Variants in MYOM2 observed in about 807,000 individuals in gnomAD.
MYOM2 encodes myomesin 2.
A neutral mutation model predicts 187.6 loss-of-function variants in MYOM2; 254 were observed. The observed-to-expected ratio is 1.35, with a 90% CI of 1.22 to 1.50. The LOEUF is 1.50. Ranked by LOEUF, MYOM2 falls within the 40% of genes most tolerant of loss-of-function variation. The pLI, the probability that MYOM2 is intolerant of heterozygous loss-of-function variation, is 0.00. For missense variants in MYOM2, 2,796 were observed against 1,924.0 expected, an observed-to-expected ratio of 1.45 and a Z score of -8.48; for synonymous variants, 981 against 753.8, an observed-to-expected ratio of 1.30 and a Z score of -4.94.
chr8:2,104,662 T>G (rs1010713300), intron 21 of MYOM2, among the ~76,000 whole-genome samples: 3 of 151,754 alleles, frequency 2.0e-5, no homozygotes, highest in Non-Finnish European at 2.9e-5. Context: ...GCGGGAAGTC[T>G]AAGAAGCACA....
chr8:2,104,296 T>A (rs1173247130), intron 21 of MYOM2, among the ~76,000 whole-genome samples: 2 of 152,112 alleles, frequency 1.3e-5, no homozygotes, highest in African/African-American at 2.4e-5. Context: ...CGAGGCTGGG[T>A]AATTGTTTTT....
chr8:2,048,409 A>C (rs1818376822), intron 1 of MYOM2, among the ~76,000 whole-genome samples: 1 of 152,272 alleles, frequency 6.6e-6, no homozygotes, highest in East Asian at 1.9e-4. Flanking sequence ...CACCTTGATT[A>C]ACTCATTGGA....
Position 2,140,760 on chromosome 8 carries a change from G to T in MYOM2, c.3838G>T (p.Gly1280Trp), listed in dbSNP as rs757130433. ...KISSSEHMRI[G>W]GSEEMAWLQI... ...CTCATCCAGTGAGCATATGAGAATC[G>T]GGGGGAGTGAAGAGATGGCTTGGCT... The change falls in exon 33 of 37, where the codon GGG (glycine) becomes TGG (tryptophan). Residue 1280 changes from glycine (G) to tryptophan (W), a missense_variant. By Grantham distance (184) the Gly-to-Trp change is radical (BLOSUM62 -2). Transcript: ENST00000262113. 6.2e-7 allele frequency: 1 copy of T among 1,613,956 alleles called. No individual in the cohort carries two copies. Among genetic ancestry groups the T allele is most frequent in the Non-Finnish European group, 8.5e-7 (1 of 1,179,912 alleles).
intron 1 of MYOM2, among the ~76,000 whole-genome samples, chr8:2,047,345 G>C (rs1225183558): frequency 6.6e-6 from 1 of 152,200 alleles, no homozygotes; most frequent in East Asian, 1.9e-4. Flanking sequence ...GTCCCCCAAG[G>C]AGTGAAGAGA....
Position 2,140,771 on chromosome 8 carries a change from A to G in MYOM2, c.3849A>G (p.Glu1283=). The G allele has an allele frequency of 6.2e-7, 1 of 1,614,146 alleles. No homozygotes were observed. Among genetic ancestry groups the G allele is most frequent in the South Asian group, 1.1e-5 (1 of 91,074 alleles). ...AGCATATGAGAATCGGGGGGAGTGA[A>G]GAGATGGCTTGGCTGCAGATATGTG... The part of the protein sequence containing the change: ...SSEHMRIGGS[E]EMAWLQICEP... Residue 1283 remains glutamate, a synonymous_variant, in exon 33 of 37, where the codon GAA becomes GAG. Transcript: ENST00000262113.
chr8:2,100,004 CTTCCTTCCTTTCTTTCCTTCCTTCCTTCT>C (rs1328835878), intron 19 of MYOM2, among the ~76,000 whole-genome samples: 2 of 115,592 alleles, frequency 1.7e-5, no homozygotes, highest in South Asian at 3.4e-4. Context: ...TCTTTCCTTC[CTTCCTTCCTTTCTTTCCTTCCTTCCTTCT>C]TTCCTTCCTT....
intron 31 of MYOM2, among the ~76,000 whole-genome samples, chr8:2,126,720 G>A (rs28405910): frequency 0.012 from 1,807 of 145,250 alleles, 48 homozygotes; most frequent in African/African-American, 0.044. Flanking sequence ...GTGAGCACTG[G>A]GGGAGGCTGA....
At chr8:2,065,472 A>G (rs1361749883) in intron 6 of MYOM2, among the ~76,000 whole-genome samples, 1 of 152,204 alleles carries the variant, frequency 6.6e-6, no homozygotes, top group Non-Finnish European at 1.5e-5. Context: ...CAGGAGGCTG[A>G]GGCAGGAGAA....
At chr8:2,066,469 G>A (rs1318227021) in intron 6 of MYOM2, among the ~76,000 whole-genome samples, 1 of 152,206 alleles carries the variant, frequency 6.6e-6, no homozygotes, top group Admixed American at 6.5e-5. Flanking sequence ...TCGTTGTAGA[G>A]GAAGGGTTAG....
At chr8:2,049,839 C>T (rs1378388005) in intron 1 of MYOM2, among the ~76,000 whole-genome samples, 2 of 152,162 alleles carry the variant, frequency 1.3e-5, no homozygotes, top group African/African-American at 2.4e-5. Context: ...ATGTCTAATA[C>T]CTGTAATGCT....
chr8:2,061,521 T>G (rs778551058), intron 6 of MYOM2, among the ~76,000 whole-genome samples: 1 of 152,126 alleles, frequency 6.6e-6, no homozygotes, highest in African/African-American at 2.4e-5. Context: ...TTCAGCCAGC[T>G]CTTCCTGATG....
At chr8:2,061,746 G>C (rs1229369677) in intron 6 of MYOM2, among the ~76,000 whole-genome samples, 1 of 152,224 alleles carries the variant, frequency 6.6e-6, no homozygotes, top group Non-Finnish European at 1.5e-5. Context: ...GAAATTTGCA[G>C]GGCATCCTAC....
chr8:2,116,186 C>T, intron 26 of MYOM2, 30 bp from the exon 27 acceptor site: 1 of 1,598,714 alleles, frequency 6.3e-7, no homozygotes. Flanking sequence ...AAACATGTTT[C>T]ATATATATTT....
chr8:2,063,350 C>G (rs1414733239), intron 6 of MYOM2, among the ~76,000 whole-genome samples: 1 of 152,156 alleles, frequency 6.6e-6, no homozygotes, highest in Non-Finnish European at 1.5e-5. Flanking sequence ...ATGAATATTC[C>G]TTGGCCACGG....
At chr8:2,141,056 C>A in intron 33 of MYOM2, 85 bp from the exon 34 acceptor site, 1 of 1,397,202 alleles carries the variant, frequency 7.2e-7, no homozygotes, top group Non-Finnish European at 9.8e-7. Context: ...TTTTCATGAA[C>A]CAGATTCACT....
At chr8:2,048,701 C>T (rs1415775537) in intron 1 of MYOM2, among the ~76,000 whole-genome samples, 1 of 152,190 alleles carries the variant, frequency 6.6e-6, no homozygotes, top group Non-Finnish European at 1.5e-5. Flanking sequence ...GGGCGCTTGA[C>T]CTCTGCACTA....
intron 6 of MYOM2, among the ~76,000 whole-genome samples, chr8:2,062,952 A>C (rs1393614988): frequency 6.6e-6 from 1 of 152,214 alleles, no homozygotes; most frequent in Admixed American, 6.5e-5. Context: ...GAATGGACTA[A>C]TTTGTGAGAT....
At chr8:2,128,304 C>T (rs562845028) in intron 31 of MYOM2, among the ~76,000 whole-genome samples, 24 of 152,164 alleles carry the variant, frequency 1.6e-4, no homozygotes, top group African/African-American at 5.3e-4. Context: ...TTTCAAGTTG[C>T]TTCCCAAAAT....
At chr8:2,068,091 G>A (rs1444671590) in intron 6 of MYOM2, among the ~76,000 whole-genome samples, 2 of 152,310 alleles carry the variant, frequency 1.3e-5, no homozygotes, top group South Asian at 2.1e-4. Flanking sequence ...ATTAAAGGAT[G>A]GAGAGCATCG....
Sources: allele counts gnomAD v4.1 joint callset (sites outside exome capture counted in the v4.1 genomes callset), GRCh38; gene constraint gnomAD v4.1.1; transcripts MANE v1.5; gene names NCBI Gene and HGNC (gene_info 2026-07-23, HGNC 2026-07-21).